The following UBR7 variants were observed in gnomAD, a reference collection of about 807,000 sequenced individuals.
UBR7 encodes the protein putative E3 ubiquitin-protein ligase UBR7.
Under a neutral mutation model 57.0 loss-of-function variants are expected in UBR7, and 22 were observed. The observed-to-expected ratio is 0.39, with a 90% CI of 0.28 to 0.55. The LOEUF is 0.55. Ranked by LOEUF, UBR7 falls within the 20% of genes least tolerant of loss-of-function variation. The pLI is 0.69. For synonymous variants in UBR7, 167 were observed against 179.8 expected (o/e 0.93, Z 0.57); for missense variants, 395 against 513.2 (o/e 0.77, Z 2.23).
intron 9 of UBR7, among the ~76,000 whole-genome samples, chr14:93,222,105 CT>C (rs746135012): frequency 0.016 from 2,178 of 135,192 alleles, 27 homozygotes; most frequent in African/African-American, 0.041. Flanking sequence ...AAAAATTTTG[CT>C]TTTTTTTTTT....
At chr14:93,217,092 T>C (rs956821989) in intron 6 of UBR7, among the ~76,000 whole-genome samples, 2 of 151,888 alleles carry the variant, frequency 1.3e-5, no homozygotes, top group South Asian at 4.1e-4. Context: ...AGTGGCACAA[T>C]CTCTGCTCAC....
chr14:93,223,394 C>CAAAAAAAA (rs34453404), intron 10 of UBR7, among the ~76,000 whole-genome samples: 3 of 94,344 alleles, frequency 3.2e-5, no homozygotes, highest in Admixed American at 1.3e-4. Flanking sequence ...GACTCCATCT[C>CAAAAAAAA]AAAAAAAAAA....
intron 9 of UBR7, among the ~76,000 whole-genome samples, chr14:93,221,719 C>T (rs926263174): frequency 6.6e-5 from 10 of 151,898 alleles, no homozygotes; most frequent in Non-Finnish European, 8.8e-5. Context: ...CCATGGCTCA[C>T]GCCTGTAATC....
intron 10 of UBR7, among the ~76,000 whole-genome samples, chr14:93,225,777 A>G (rs553252172): frequency 6.6e-6 from 1 of 152,318 alleles, no homozygotes; most frequent in South Asian, 2.1e-4. Context: ...ATATCCAGAA[A>G]CCAAAAGCTG....
In UBR7 at chr14:93,228,645, T is replaced by C. The variant is rs1483141544; in HGVS notation, c.*1610T>C. The C allele has an allele frequency of 8.8e-6, 4 of 453,988 alleles. No individual in the cohort carries two copies. Among genetic ancestry groups the C allele is most frequent in the African/African-American group, 8.0e-5 (4 of 50,008 alleles). 28.1% of individuals were successfully genotyped at this position (453,988 alleles called of 1,614,324 possible). On this transcript the variant is annotated 3_prime_UTR_variant, in exon 11 of 11. Coordinates refer to ENST00000013070, the MANE Select transcript of UBR7 (RefSeq NM_175748.4). The stretch of plus-strand genomic sequence containing the variant: ...ATGCTGGTGAGCCCTGAGCTGGCCT[T>C]GTGCAGAGGGCTCCGTTCAAAGGCT...
chr14:93,227,480 A>G lies in UBR7; in HGVS notation c.*445A>G, dbSNP rs1355764683. 1.0e-5 allele frequency: 7 copies of G among 691,550 alleles called. No individual in the cohort carries two copies. Among genetic ancestry groups the G allele is most frequent in the East Asian group, 2.7e-5 (1 of 36,690 alleles). 42.8% of individuals were successfully genotyped at this position (691,550 alleles called of 1,614,324 possible). ...AACCTCTACAGGTCCCCTCGCCCCTATGATCGTGGTGCCTTGGGTCAAAGC... is the reference window on the plus strand; with the variant it reads ...AACCTCTACAGGTCCCCTCGCCCCTGTGATCGTGGTGCCTTGGGTCAAAGC... On this transcript the variant is annotated 3_prime_UTR_variant, in exon 11 of 11. Coordinates refer to ENST00000013070, the MANE Select transcript of UBR7 (RefSeq NM_175748.4).
intron 4 of UBR7, 100 bp from the exon 5 acceptor site, chr14:93,214,829 A>T (rs1277378840): frequency 3.8e-6 from 4 of 1,060,486 alleles, no homozygotes; most frequent in Non-Finnish European, 5.8e-6. Context: ...ACACCAGTTC[A>T]TGTAGAACAA....
At chr14:93,207,859 G>C (rs1312584664) in intron 1 of UBR7, among the ~76,000 whole-genome samples, 1 of 152,202 alleles carries the variant, frequency 6.6e-6, no homozygotes, top group African/African-American at 2.4e-5. Flanking sequence ...GGGAGAGTCA[G>C]GTTAAAGAGA....
Position 93,207,403 on chromosome 14 carries a change from C to A in UBR7, c.112C>A (p.Leu38Met). ...GCTGGAGAATGAGGCGTGCGCTGTCCTGGGCGGCAGCGACTCCGAGAAGTG... is the reference window on the plus strand; with the variant it reads ...GCTGGAGAATGAGGCGTGCGCTGTCATGGGCGGCAGCGACTCCGAGAAGTG... ...EELENEACAV[L>M]GGSDSEKCSY... Residue 38 changes from leucine (L) to methionine (M), a missense_variant, in exon 1 of 11, where the codon CTG (leucine) becomes ATG (methionine). By Grantham distance (15) the Leu-to-Met change is conservative (BLOSUM62 2). Transcript: ENST00000013070. 6.4e-7 allele frequency: 1 copy of A among 1,554,508 alleles called. No individual in the cohort carries two copies. The highest frequency in any genetic ancestry group is 8.7e-7 in the Non-Finnish European group (1 of 1,151,324).
intron 3 of UBR7, 111 bp downstream of exon 3, chr14:93,210,819 T>G (rs183495640): frequency 3.9e-4 from 362 of 920,912 alleles, no homozygotes; most frequent in Non-Finnish European, 5.5e-4. Context: ...GTTCTTATGC[T>G]TATTCTTTGC....
chr14:93,226,940 C>T lies in UBR7; in HGVS notation c.1186-3C>T, dbSNP rs771024500. The T allele has an allele frequency of 1.9e-6, 3 of 1,609,122 alleles. No homozygotes were observed. The highest frequency in any genetic ancestry group is 2.5e-6 in the Non-Finnish European group (3 of 1,176,636). On this transcript the variant is annotated splice_polypyrimidine_tract_variant and splice_region_variant and intron_variant, in intron 10 of 10. Coordinates refer to ENST00000013070, the MANE Select transcript of UBR7 (RefSeq NM_175748.4). ...TTTCATAATCTTTGCTTTTCAAAAA[C>T]AGGTTGTTAAGAGAGAGGACATTCA...
chr14:93,215,869 C>T (rs1329587501), intron 6 of UBR7, among the ~76,000 whole-genome samples: 1 of 152,092 alleles, frequency 6.6e-6, no homozygotes, highest in African/African-American at 2.4e-5. Context: ...ATAAATAGAA[C>T]TGAAATAAGT....
Position 93,223,409 on chromosome 14 carries a change from A to G in UBR7, c.1185+1035A>G, listed in dbSNP as rs552225756. 1.7e-4 allele frequency among the ~76,000 whole-genome samples: 26 copies of G among 151,196 alleles called. No individual in the cohort carries two copies. In the South Asian group the frequency reaches 2.1e-3, roughly 12 times the overall value. ...GACTCCATCTCAAAAAAAAAAAAAA[A>G]AAAAAGAACTGGGCATGGCGGCTTG... is the stretch of plus-strand genomic sequence containing the variant. On this transcript the variant is annotated intron_variant, in intron 10 of 10. Transcript: ENST00000013070.
At chr14:93,213,607 A>G (rs1268845) in intron 4 of UBR7, among the ~76,000 whole-genome samples, 55,293 of 151,990 alleles carry the variant, frequency 0.36, 10,639 homozygotes, top group South Asian at 0.46. Context: ...GCGCCCAGCC[A>G]AAGAATAGTA....
chr14:93,224,372 C>CTTTTT (rs761189322), intron 10 of UBR7, among the ~76,000 whole-genome samples: 16 of 93,782 alleles, frequency 1.7e-4, no homozygotes, highest in African/African-American at 2.6e-4. Context: ...CCTTACAGTT[C>CTTTTT]TTTTTTTTTT....
intron 10 of UBR7, among the ~76,000 whole-genome samples, chr14:93,226,703 G>T (rs868560865): frequency 1.3e-5 from 2 of 150,546 alleles, no homozygotes; most frequent in South Asian, 2.1e-4. Context: ...TGAGGCAGGA[G>T]AATGGTGTTA....
At chr14:93,225,746 G>A (rs557367302) in intron 10 of UBR7, among the ~76,000 whole-genome samples, 32 of 152,314 alleles carry the variant, frequency 2.1e-4, no homozygotes, top group Admixed American at 1.1e-3. Context: ...TACTCTGCAC[G>A]TTAGCTGTGA....
intron 1 of UBR7, among the ~76,000 whole-genome samples, chr14:93,208,290 G>A (rs565317587): frequency 2.0e-5 from 3 of 151,978 alleles, no homozygotes; most frequent in South Asian, 4.2e-4. Flanking sequence ...TGAGGGGAGA[G>A]ACTTGTATTC....
rs1259408618 is a variant in UBR7, at chr14:93,207,259, G to C, written c.-33G>C. ...CACGGCCGCTTTTCCCGCCTCCGCC[G>C]GGGCCGAGCCGCTGTTCGGCTGACA... On this transcript the variant is annotated 5_prime_UTR_variant, in exon 1 of 11. Coordinates refer to ENST00000013070, the MANE Select transcript of UBR7 (RefSeq NM_175748.4). 3 of 1,549,418 alleles carry C rather than the reference G, an allele frequency of 1.9e-6. No individual in the cohort carries two copies. The highest frequency in any genetic ancestry group is 2.6e-6 in the Non-Finnish European group (3 of 1,147,086).
Sources: allele counts gnomAD v4.1 joint callset (sites outside exome capture counted in the v4.1 genomes callset), GRCh38; gene constraint gnomAD v4.1.1; transcripts MANE v1.5; gene names NCBI Gene and HGNC (gene_info 2026-07-23, HGNC 2026-07-21).